Variants in SCUBE1 observed in about 807,000 individuals in gnomAD.
The protein encoded by SCUBE1 is signal peptide, CUB and EGF-like domain-containing protein 1.
A neutral mutation model predicts 124.4 loss-of-function variants in SCUBE1; 59 were observed. That is an observed-to-expected ratio of 0.47 (90% CI 0.38 to 0.59). The LOEUF (loss-of-function observed/expected upper bound fraction) is 0.59, where lower values mean the gene tolerates loss of function less well. Ranked by LOEUF, SCUBE1 falls within the 20% of genes least tolerant of loss-of-function variation. SCUBE1 has a pLI of 0.00. For missense variants in SCUBE1, 1,150 were observed against 1,371.2 expected (o/e 0.84, Z 2.55); for synonymous variants, 545 against 550.9 (o/e 0.99, Z 0.15).
At chr22:43,236,002 G>T (rs1214685050) in intron 7 of SCUBE1, among the ~76,000 whole-genome samples, 1 of 152,104 alleles carries the variant, frequency 6.6e-6, no homozygotes, top group Non-Finnish European at 1.5e-5. Context: ...ACCTGCCCGG[G>T]GTTTGCAGCC....
intron 4 of SCUBE1, among the ~76,000 whole-genome samples, chr22:43,274,692 G>A (rs1924429133): frequency 6.6e-6 from 1 of 152,238 alleles, no homozygotes; most frequent in Admixed American, 6.5e-5. Flanking sequence ...AGGAGGATCT[G>A]TAAGGCTGTG....
intron 6 of SCUBE1, among the ~76,000 whole-genome samples, chr22:43,247,672 G>A (rs1031981805): frequency 2.6e-5 from 4 of 152,258 alleles, no homozygotes; most frequent in Non-Finnish European, 5.9e-5. Context: ...TCCAACTAGA[G>A]AGAGGCAAGG....
intron 4 of SCUBE1, among the ~76,000 whole-genome samples, chr22:43,276,829 C>A (rs772562779): frequency 3.3e-5 from 5 of 152,238 alleles, no homozygotes; most frequent in Non-Finnish European, 5.9e-5. Context: ...TCCAGGGCCT[C>A]TGCTACTTCA....
At chr22:43,289,635 A>G (rs1387513555) in intron 4 of SCUBE1, among the ~76,000 whole-genome samples, 1 of 152,248 alleles carries the variant, frequency 6.6e-6, no homozygotes, top group East Asian at 1.9e-4. Flanking sequence ...CTGGGCTGGC[A>G]GACTCACACC....
chr22:43,338,790 G>C (rs760561826), intron 2 of SCUBE1, among the ~76,000 whole-genome samples: 1 of 152,174 alleles, frequency 6.6e-6, no homozygotes, highest in East Asian at 1.9e-4. Flanking sequence ...TGCCTGCCTC[G>C]GTCTCCCAAA....
chr22:43,279,603 C>G (rs1056896178), intron 4 of SCUBE1, among the ~76,000 whole-genome samples: 2 of 152,248 alleles, frequency 1.3e-5, no homozygotes, highest in Non-Finnish European at 2.9e-5. Flanking sequence ...ATTACCCAGT[C>G]TCAGCTCTTC....
At chr22:43,302,775 T>A (rs1025311553) in intron 3 of SCUBE1, among the ~76,000 whole-genome samples, 2 of 152,204 alleles carry the variant, frequency 1.3e-5, no homozygotes, top group East Asian at 1.9e-4. Context: ...AATGGAGGAC[T>A]GGAGAGAGGG....
chr22:43,305,812 T>C (rs996649052), intron 3 of SCUBE1, among the ~76,000 whole-genome samples: 3 of 152,186 alleles, frequency 2.0e-5, no homozygotes, highest in Non-Finnish European at 2.9e-5. Flanking sequence ...ATCATTAAAG[T>C]AGCACCTGGG....
intron 1 of SCUBE1, among the ~76,000 whole-genome samples, chr22:43,342,405 C>T (rs189556892): frequency 2.0e-3 from 298 of 152,212 alleles, no homozygotes; most frequent in Non-Finnish European, 3.2e-3. Flanking sequence ...CCTTCCTTCC[C>T]TCTGTCTTTC....
chr22:43,207,204 T>C (rs1921326828), intron 21 of SCUBE1, among the ~76,000 whole-genome samples: 1 of 152,196 alleles, frequency 6.6e-6, no homozygotes, highest in Non-Finnish European at 1.5e-5. Flanking sequence ...CCACTGATTC[T>C]GAGACATCCC....
rs577532528 is a variant in SCUBE1, at chr22:43,211,389, C to G, written c.2222-306G>C. On this transcript the variant is annotated intron_variant, in intron 17 of 21. Transcript: ENST00000360835. The surrounding 1 kb of genome is among the most constrained non-coding windows in gnomAD (Gnocchi z 4.5). The stretch of plus-strand genomic sequence containing the variant: ...GGGCGATGATGTGGCCGGAGGCGTG[C>G]GGGGGAGACAGGGAGGAGGGGAAGT... Among the ~76,000 whole-genome samples, 4 of 151,704 alleles carry G rather than the reference C, an allele frequency of 2.6e-5. No homozygotes were observed. Among genetic ancestry groups the G allele is most frequent in the East Asian group, 3.9e-4 (2 of 5,182 alleles).
intron 4 of SCUBE1, among the ~76,000 whole-genome samples, chr22:43,264,535 C>G (rs1386845459): frequency 5.9e-5 from 9 of 152,186 alleles, no homozygotes; most frequent in African/African-American, 2.2e-4. Flanking sequence ...AGTCCCTCAT[C>G]AGGTCCTCTG....
intron 12 of SCUBE1, among the ~76,000 whole-genome samples, chr22:43,222,415 G>A (rs1007542101): frequency 1.2e-4 from 18 of 152,228 alleles, no homozygotes; most frequent in Admixed American, 6.5e-5. Context: ...AGAGCCGGAA[G>A]GGCCCTCCCA....
rs1921022476 is a variant in SCUBE1, at chr22:43,201,850, C to T, written c.*2147G>A. The T allele has an allele frequency of 6.6e-6, 1 of 152,256 alleles. No individual in the cohort carries two copies. Among genetic ancestry groups the T allele is most frequent in the Non-Finnish European group, 1.5e-5 (1 of 68,054 alleles). 9.4% of individuals were successfully genotyped at this position (152,256 alleles called of 1,614,324 possible). ...AGGCGACACCCCTCCCGGCACCTTC[C>T]TCAGGAGCTGTTGCTGCAGGCTCAC... On this transcript the variant is annotated 3_prime_UTR_variant, in exon 22 of 22. Coordinates refer to ENST00000360835, the MANE Select transcript of SCUBE1 (RefSeq NM_173050.5).
chr22:43,263,775 G>C (rs548475851), intron 4 of SCUBE1, among the ~76,000 whole-genome samples: 1 of 152,292 alleles, frequency 6.6e-6, no homozygotes, highest in African/African-American at 2.4e-5. Context: ...TGTAACTCCT[G>C]GTTTCACCTG....
chr22:43,279,209 A>G (rs1924659565), intron 4 of SCUBE1, among the ~76,000 whole-genome samples: 1 of 152,166 alleles, frequency 6.6e-6, no homozygotes, highest in African/African-American at 2.4e-5. Context: ...CTGTACCCTA[A>G]AACTCTCAGG....
chr22:43,245,565 C>A (rs931096107), intron 6 of SCUBE1, among the ~76,000 whole-genome samples: 1 of 152,144 alleles, frequency 6.6e-6, no homozygotes, highest in African/African-American at 2.4e-5. Context: ...GCAGGCTCCT[C>A]CAGAGCCAGC....
chr22:43,217,257 T>C (rs1344805014), intron 15 of SCUBE1, among the ~76,000 whole-genome samples: 1 of 151,634 alleles, frequency 6.6e-6, no homozygotes, highest in Non-Finnish European at 1.5e-5. Flanking sequence ...CAACTGCCCA[T>C]CCAACATCTC....
chr22:43,275,729 T>C (rs1390432655), intron 4 of SCUBE1, among the ~76,000 whole-genome samples: 1 of 152,154 alleles, frequency 6.6e-6, no homozygotes, highest in African/African-American at 2.4e-5. Context: ...GGATGACACA[T>C]ACCGAGGTTG....
Sources: allele counts gnomAD v4.1 joint callset (sites outside exome capture counted in the v4.1 genomes callset), GRCh38; gene constraint gnomAD v4.1.1; non-coding constraint Gnocchi (gnomAD v3.1); transcripts MANE v1.5; gene names NCBI Gene and HGNC (gene_info 2026-07-23, HGNC 2026-07-21).